PIGT: variants seen among roughly 807,000 people sequenced by gnomAD.
PIGT encodes GPI-anchor transamidase component PIGT.
In PIGT, 57 loss-of-function variants were observed where a neutral mutation model predicts 66.7. The observed-to-expected ratio is 0.86, with a 90% CI of 0.69 to 1.07. PIGT has a LOEUF of 1.07. Among genes scored for constraint, PIGT ranks in the 50% least tolerant of loss-of-function variants. PIGT has a pLI of 0.00. For missense variants in PIGT, 725 were observed against 740.4 expected (o/e 0.98, Z 0.24); for synonymous variants, 362 against 320.5 (o/e 1.13, Z -1.38).
At position 45,425,977 on chromosome 20, in the gene PIGT, G is replaced by C; in HGVS notation, c.*151G>C. 1.3e-6 allele frequency: 1 copy of C among 771,112 alleles called. No homozygotes were observed. The highest frequency in any genetic ancestry group is 2.0e-6 in the Non-Finnish European group (1 of 492,302). 47.8% of individuals were successfully genotyped at this position (771,112 alleles called of 1,614,324 possible). A position where few individuals can be genotyped will look rare whatever the true frequency, so the allele number is the denominator to read the frequency against. ...CCTACAGCTGTGTTGTCCAGTACAG[G>C]AGCCACGAGCCAAATGTGGCATTTG... On this transcript the variant is annotated 3_prime_UTR_variant, in exon 12 of 12. Transcript: ENST00000279036.
chr20:45,421,459 A>T lies in PIGT; in HGVS notation c.1110A>T (p.Thr370=), dbSNP rs1043749731. The change falls in exon 9 of 12, where the codon ACA becomes ACT. Residue 370 remains threonine (T), a synonymous_variant. Transcript: ENST00000279036. ...GYGLQKGELS[T]LLYNTHPYRA... ...GGCTGCAGAAGGGGGAGCTGAGCACACTGCTGTACAACACCCACCCATACC... is the reference window on the plus strand; with the variant it reads ...GGCTGCAGAAGGGGGAGCTGAGCACTCTGCTGTACAACACCCACCCATACC... 6 of 1,614,032 alleles carry T rather than the reference A, an allele frequency of 3.7e-6. No homozygotes were observed. The highest frequency in any genetic ancestry group is 5.1e-6 in the Non-Finnish European group (6 of 1,180,012).
chr20:45,419,691 T>C, intron 5 of PIGT, 101 bp downstream of exon 5: 1 of 837,782 alleles, frequency 1.2e-6, no homozygotes, highest in Non-Finnish European at 2.1e-6. Flanking sequence ...GAGTACTGAG[T>C]GGTAGATGTG....
chr20:45,420,988 T>A, intron 8 of PIGT: 1 of 530,662 alleles, frequency 1.9e-6, no homozygotes, highest in Non-Finnish European at 3.4e-6. Flanking sequence ...GAATTCATAC[T>A]AAGTGCCAGG....
chr20:45,416,171 G>T lies in PIGT; in HGVS notation c.15G>T (p.Met5Ile), dbSNP rs747892389. ...TAGCCGCAGGCATGGCGGCGGCTAT[G>T]CCGCTTGCTCTGCTCGTCCTGTTGC... MAAA[M>I]PLALLVLLLL... is the part of the protein sequence containing the mutation. Residue 5 changes from methionine to isoleucine, a missense_variant, in exon 1 of 12, where the codon ATG becomes ATT. Around this residue, in one of 3 missense-constraint regions of PIGT, gnomAD observed 559 missense variants for 552.7 expected, o/e 1.01. Coordinates refer to ENST00000279036, the MANE Select transcript of PIGT (RefSeq NM_015937.6). The T allele has an allele frequency of 4.5e-6, 7 of 1,571,776 alleles. No individual in the cohort carries two copies. The highest frequency in any genetic ancestry group is 5.2e-6 in the Non-Finnish European group (6 of 1,160,658).
chr20:45,420,077 T>TG, intron 5 of PIGT, 59 bp from the exon 6 acceptor site: 2 of 1,225,080 alleles, frequency 1.6e-6, no homozygotes, highest in Non-Finnish European at 2.4e-6. Flanking sequence ...GGAGTCTTTT[T>TG]GGGGGCTGTG....
In PIGT at chr20:45,419,425, C is replaced by G. The variant is rs200144107; in HGVS notation, c.594+30C>G. 1,470 of 1,602,676 alleles carry G rather than the reference C, an allele frequency of 9.2e-4. 16 individuals carry two copies. In the African/African-American group the frequency reaches 0.018, roughly 19 times the overall value. On this transcript the variant is annotated intron_variant, in intron 4 of 11. Transcript: ENST00000279036. ...GGCCGCAGAGCCTGGCAGCCGGGGG[C>G]GGGGGGTGTATAGAGAACCTGCGCC... is the stretch of plus-strand genomic sequence containing the variant.
chr20:45,424,380 A>G lies in PIGT; in HGVS notation c.1399A>G (p.Ser467Gly). 1 of 1,614,076 alleles carries G rather than the reference A, an allele frequency of 6.2e-7. No individual in the cohort carries two copies. Among genetic ancestry groups the G allele is most frequent in the Non-Finnish European group, 8.5e-7 (1 of 1,179,940 alleles). The change falls in exon 10 of 12, where the codon AGC becomes GGC. Residue 467 changes from serine to glycine, a missense_variant and splice_region_variant. Around this residue, in one of 3 missense-constraint regions of PIGT, gnomAD observed 162 missense variants for 171.1 expected, o/e 0.95. Transcript: ENST00000279036. ...AGATCCTAACCATGGCTTCTATGTC[A>G]GGTGGGCTCCACCCCCACAGGCCAC... ...TPDPNHGFYVSPSVLSALVPS... is the reference protein window; with the variant it reads ...TPDPNHGFYVGPSVLSALVPS...
At position 45,425,670 on chromosome 20, in the gene PIGT, C is replaced by T. The variant is rs201928497; in HGVS notation, c.1581C>T (p.Asn527=). ...CACCGGACTTCAGCATGCCCTACAACGTGATCTGCCTCACGTGCACTGTGG... is the reference window on the plus strand; with the variant it reads ...CACCGGACTTCAGCATGCCCTACAATGTGATCTGCCTCACGTGCACTGTGG... ...LPTPDFSMPY[N]VICLTCTVVA... Residue 527 remains asparagine, a synonymous_variant, in exon 12 of 12, where the codon AAC becomes AAT. Transcript: ENST00000279036. 91 of 1,614,176 alleles carry T rather than the reference C, an allele frequency of 5.6e-5. No individual in the cohort carries two copies. The East Asian group carries it at 1.5e-3, about 26-fold the overall frequency.
intron 8 of PIGT, chr20:45,420,912 A>G: frequency 1.7e-6 from 1 of 590,644 alleles, no homozygotes; most frequent in Non-Finnish European, 3.0e-6. Context: ...ATACTTAGCA[A>G]ATTGGATGAG....
chr20:45,425,149 TTCTTTCTTTCTTTCTTTCTTTC>T (rs1990644332), intron 11 of PIGT: 1 of 40,426 alleles, frequency 2.5e-5, no homozygotes. Context: ...TTCTCTTTCT[TTCTTTCTTTCTTTCTTTCTTTC>T]TTTCTTTCTT....
chr20:45,423,955 C>T (rs775130020), intron 9 of PIGT: 2 of 469,978 alleles, frequency 4.3e-6, no homozygotes, highest in Non-Finnish European at 7.8e-6. Flanking sequence ...GTCTGGTGCC[C>T]CAGTTGTAGT....
chr20:45,419,156 C>T (rs1990177323), intron 3 of PIGT, 139 bp from the exon 4 acceptor site: 3 of 1,049,994 alleles, frequency 2.9e-6, no homozygotes, highest in African/African-American at 1.6e-5. Flanking sequence ...AGAAGGGAGT[C>T]CTACTCCCAG....
At chr20:45,421,653 T>C in intron 9 of PIGT, 70 bp downstream of exon 9, 1 of 1,296,256 alleles carries the variant, frequency 7.7e-7, no homozygotes, top group Non-Finnish European at 1.1e-6. Flanking sequence ...CCCCAAACTC[T>C]CATTTCCCAG....
Position 45,420,360 on chromosome 20 carries a change from A to C in PIGT, c.798A>C (p.Arg266=). 4 of 1,613,498 alleles carry C rather than the reference A, an allele frequency of 2.5e-6. No individual in the cohort carries two copies. The highest frequency in any genetic ancestry group is 3.4e-6 in the Non-Finnish European group (4 of 1,179,832). The change falls in exon 7 of 12, where the codon CGA becomes CGC. Residue 266 remains arginine (R), a synonymous_variant. Coordinates refer to ENST00000279036, the MANE Select transcript of PIGT (RefSeq NM_015937.6). ...GGTCCCTCTTCCGGATGTTCTCCCGAACCCTCACGGAGCCCTGCCCCCTGG... is the reference window on the plus strand; with the variant it reads ...GGTCCCTCTTCCGGATGTTCTCCCGCACCCTCACGGAGCCCTGCCCCCTGG... ...KDWSLFRMFS[R]TLTEPCPLAS... is the part of the protein sequence containing the mutation.
At chr20:45,420,507 G>T in intron 7 of PIGT, 21 bp from the exon 8 acceptor site, 1 of 1,613,404 alleles carries the variant, frequency 6.2e-7, no homozygotes, top group Non-Finnish European at 8.5e-7. Context: ...TTGCTTCTTA[G>T]CCCTGCCTTT....
intron 2 of PIGT, 100 bp from the exon 3 acceptor site, chr20:45,418,752 A>T: frequency 6.9e-7 from 1 of 1,454,172 alleles, no homozygotes; most frequent in Non-Finnish European, 9.6e-7. Flanking sequence ...AGTTAAGAAT[A>T]CAGCCTCCTC....
intron 8 of PIGT, 149 bp downstream of exon 8, chr20:45,420,842 C>A: frequency 1.3e-6 from 1 of 788,666 alleles, no homozygotes; most frequent in Non-Finnish European, 2.1e-6. Context: ...CCAAGCTCTA[C>A]GATTTTGGGT....
intron 7 of PIGT, 33 bp from the exon 8 acceptor site, chr20:45,420,495 G>C (rs1419355598): frequency 6.2e-7 from 1 of 1,613,116 alleles, no homozygotes; most frequent in Non-Finnish European, 8.5e-7. Flanking sequence ...TACCCTCTCT[G>C]CTTGCTTCTT....
chr20:45,425,959 C>A lies in PIGT; in HGVS notation c.*133C>A. ...CCCTGGACCAGGTCAGGGCCTACAG[C>A]TGTGTTGTCCAGTACAGGAGCCACG... On this transcript the variant is annotated 3_prime_UTR_variant, in exon 12 of 12. Coordinates refer to ENST00000279036, the MANE Select transcript of PIGT (RefSeq NM_015937.6). 1 of 974,782 alleles carries A rather than the reference C, an allele frequency of 1.0e-6. No homozygotes were observed. Among genetic ancestry groups the A allele is most frequent in the Non-Finnish European group, 1.5e-6 (1 of 674,772 alleles). 60.4% of individuals were successfully genotyped at this position (974,782 alleles called of 1,614,324 possible). A position where few individuals can be genotyped will look rare whatever the true frequency, so the allele number is the denominator to read the frequency against.
Sources: gnomAD v4.1 joint callset for allele counts on GRCh38, gnomAD v4.1.1 for gene constraint, gnomAD v4.1.1 regional missense constraint, MANE v1.5 for transcripts, NCBI Gene and HGNC (gene_info 2026-07-23, HGNC 2026-07-21) for gene names.